The following AXIN1 variants were observed in gnomAD, a reference collection of about 807,000 sequenced individuals.
AXIN1 encodes axin 1, also known as axin-1.
A neutral mutation model predicts 76.4 loss-of-function variants in AXIN1; 30 were observed. That is an observed-to-expected ratio of 0.39 (90% CI 0.29 to 0.53). AXIN1 has a LOEUF of 0.53. Ranked by LOEUF, AXIN1 falls within the 20% of genes least tolerant of loss-of-function variation. The pLI, the probability that AXIN1 is intolerant of heterozygous loss-of-function variation, is 0.66. For synonymous variants in AXIN1, 545 were observed against 501.4 expected (o/e 1.09, Z -1.16); for missense variants, 1,140 against 1,198.8 (o/e 0.95, Z 0.72).
rs557453148 is a variant in AXIN1 at position 297,045 on chromosome 16, G to A, written c.1955+11C>T. 1.9e-5 allele frequency: 31 copies of A among 1,609,530 alleles called. No homozygotes were observed. The highest frequency in any genetic ancestry group is 1.3e-4 in the African/African-American group (10 of 75,024). ...AGGCCCCACGAGGCTGGCTGCGTGC[G>A]GGGTGCTCACCCGTGGCCGGTCCTG... On this transcript the variant is annotated intron_variant, in intron 7 of 10. Coordinates refer to ENST00000262320, the MANE Select transcript of AXIN1 (RefSeq NM_003502.4).
chr16:311,351 A>T (rs910164088), intron 3 of AXIN1, among the ~76,000 whole-genome samples: 4 of 151,898 alleles, frequency 2.6e-5, no homozygotes, highest in Non-Finnish European at 5.9e-5. Flanking sequence ...TTCTTTATGA[A>T]CCCTTTAGAA....
At chr16:288,310 T>G (rs1421870532) in intron 10 of AXIN1, 62 bp from the exon 11 acceptor site, 1 of 1,606,162 alleles carries the variant, frequency 6.2e-7, no homozygotes. Flanking sequence ...AGGAGGCCTG[T>G]GGCAGGGGAC....
intron 7 of AXIN1, among the ~76,000 whole-genome samples, chr16:294,891 C>G (rs1411311965): frequency 1.3e-5 from 2 of 151,036 alleles, no homozygotes; most frequent in East Asian, 4.0e-4. Flanking sequence ...TGAAACCCCA[C>G]CTCTACTAAA....
intron 2 of AXIN1, among the ~76,000 whole-genome samples, chr16:343,187 A>G (rs547102046): frequency 2.0e-5 from 3 of 152,328 alleles, no homozygotes; most frequent in African/African-American, 7.2e-5. Context: ...AGACAGAGCT[A>G]CACAAAATTA....
chr16:320,094 C>T (rs531528646), intron 2 of AXIN1, among the ~76,000 whole-genome samples: 4 of 152,276 alleles, frequency 2.6e-5, no homozygotes, highest in African/African-American at 4.8e-5. Flanking sequence ...ACCGACAGCC[C>T]CCCACACACT....
rs2141514408 is a variant in AXIN1 at position 298,101 on chromosome 16, T to C, written c.1405A>G (p.Ser469Gly). The change falls in exon 6 of 11, where the codon AGC becomes GGC. Residue 469 changes from serine (S) to glycine (G), a missense_variant. This residue lies in a region of AXIN1 where 708 missense variants were observed against 776.9 expected (regional missense o/e 0.91). Transcript: ENST00000262320. ...CGCTGTACGTGCTCGTCCAGGATGCTCTCAGGGTTCTCCTCGTGTGCATCC... is the reference window on the plus strand; with the variant it reads ...CGCTGTACGTGCTCGTCCAGGATGCCCTCAGGGTTCTCCTCGTGTGCATCC... ...LRDAHEENPE[S>G]ILDEHVQRVL... 6.5e-7 allele frequency: 1 copy of C among 1,548,408 alleles called. No individual in the cohort carries two copies. Among genetic ancestry groups the C allele is most frequent in the Non-Finnish European group, 8.7e-7 (1 of 1,150,394 alleles).
chr16:310,571 G>T (rs1029197852), intron 3 of AXIN1, among the ~76,000 whole-genome samples: 2 of 152,070 alleles, frequency 1.3e-5, no homozygotes, highest in African/African-American at 4.8e-5. Context: ...TAATTTTTTT[G>T]TATTTTTAGT....
intron 1 of AXIN1, among the ~76,000 whole-genome samples, chr16:349,903 A>AT (rs1243863526): frequency 6.6e-6 from 1 of 152,138 alleles, no homozygotes; most frequent in African/African-American, 2.4e-5. Context: ...GGCTCAAGCA[A>AT]TTCTCCAGCC....
At chr16:328,557 G>A (rs955935952) in intron 2 of AXIN1, among the ~76,000 whole-genome samples, 14 of 151,946 alleles carry the variant, frequency 9.2e-5, no homozygotes, top group South Asian at 6.2e-4. Flanking sequence ...TTAGCCAGGC[G>A]TGGTGGCACA....
In AXIN1 at chr16:291,355, G is replaced by A. The variant is rs1166315090; in HGVS notation, c.2187-58C>T. On this transcript the variant is annotated intron_variant, in intron 8 of 10. Coordinates refer to ENST00000262320, the MANE Select transcript of AXIN1 (RefSeq NM_003502.4). ...CCGGCGGCCACCAGCCCTGGGGAGGGAGCCTCGACCAATGCTGCTGCGCAG... is the reference window on the plus strand; with the variant it reads ...CCGGCGGCCACCAGCCCTGGGGAGGAAGCCTCGACCAATGCTGCTGCGCAG... 7 of 1,429,728 alleles carry A rather than the reference G, an allele frequency of 4.9e-6. No homozygotes were observed. The South Asian group carries it at 4.9e-5, about 10-fold the overall frequency. 88.6% of individuals were successfully genotyped at this position (1,429,728 alleles called of 1,614,324 possible).
chr16:349,195 G>A (rs2054094084), intron 1 of AXIN1, among the ~76,000 whole-genome samples: 1 of 152,214 alleles, frequency 6.6e-6, no homozygotes, highest in Non-Finnish European at 1.5e-5. Flanking sequence ...TGCCCCCAAT[G>A]ACATTTCAGC....
chr16:290,952 A>T (rs1046422394), intron 9 of AXIN1: 1 of 581,488 alleles, frequency 1.7e-6, no homozygotes, highest in African/African-American at 1.9e-5. Flanking sequence ...CCAGGCCTCC[A>T]GCCGGGCCTT....
At chr16:305,745 C>T (rs376820102) in intron 4 of AXIN1, among the ~76,000 whole-genome samples, 1 of 152,010 alleles carries the variant, frequency 6.6e-6, no homozygotes, top group South Asian at 2.1e-4. Flanking sequence ...AGGATTTCAC[C>T]GTGTTAGCCA....
intron 1 of AXIN1, among the ~76,000 whole-genome samples, chr16:349,298 G>C (rs1358518214): frequency 2.6e-5 from 4 of 152,200 alleles, no homozygotes; most frequent in East Asian, 1.9e-4. Context: ...CCAGTGAGCT[G>C]TGACATCCTG....
At chr16:289,665 CT>C in intron 9 of AXIN1, 58 bp from the exon 10 acceptor site, 2 of 1,600,738 alleles carry the variant, frequency 1.2e-6, no homozygotes, top group Non-Finnish European at 1.7e-6. Context: ...CACAGGGTCC[CT>C]CCTGCTGGCC....
intron 7 of AXIN1, among the ~76,000 whole-genome samples, chr16:294,484 A>G (rs963859137): frequency 8.4e-5 from 11 of 131,152 alleles, no homozygotes; most frequent in Non-Finnish European, 1.1e-4. Flanking sequence ...AAAAAAAAAA[A>G]TGGCCAGGCG....
rs2052735444 is a variant in AXIN1, at chr16:297,218, A to G, written c.1793T>C (p.Val598Ala). Residue 598 changes from valine (V) to alanine (A), a missense_variant, in exon 7 of 11, where the codon GTG becomes GCG. Around this residue, in one of 3 missense-constraint regions of AXIN1, gnomAD observed 429 missense variants for 405.8 expected, o/e 1.06. Coordinates refer to ENST00000262320, the MANE Select transcript of AXIN1 (RefSeq NM_003502.4). ...ASDGLAHSGK[V>A]GVACKRNAKK... Reference sequence around the variant, plus strand: ...GGCATTTCTTTTGCACGCCACGCCCACCTTCCCACTGCAAGGGCAAGAGCT... The same window carrying G: ...GGCATTTCTTTTGCACGCCACGCCCGCCTTCCCACTGCAAGGGCAAGAGCT... 6.2e-7 allele frequency: 1 copy of G among 1,606,190 alleles called. No individual in the cohort carries two copies. Among genetic ancestry groups the G allele is most frequent in the East Asian group, 2.2e-5 (1 of 44,874 alleles).
In AXIN1 at chr16:324,562, A is replaced by G. The variant is rs549247134; in HGVS notation, c.879-9879T>C. The stretch of plus-strand genomic sequence containing the variant: ...AAGCTTGACAAACACAACTGAGCAG[A>G]AAACGCCCGCAGGTGGTCAGTAGGC... On this transcript the variant is annotated intron_variant, in intron 2 of 10. Coordinates refer to ENST00000262320, the MANE Select transcript of AXIN1 (RefSeq NM_003502.4). Among the ~76,000 whole-genome samples, 3 of 152,342 alleles carry G rather than the reference A, an allele frequency of 2.0e-5. No homozygotes were observed. In the South Asian group the frequency reaches 6.2e-4, roughly 32 times the overall value.
At chr16:317,728 A>G (rs928809037) in intron 2 of AXIN1, among the ~76,000 whole-genome samples, 1 of 152,236 alleles carries the variant, frequency 6.6e-6, no homozygotes, top group African/African-American at 2.4e-5. Flanking sequence ...CTTTGCTTTA[A>G]GCATCATGCA....
Sources: allele counts gnomAD v4.1 joint callset (sites outside exome capture counted in the v4.1 genomes callset), GRCh38; gene constraint gnomAD v4.1.1; regional missense constraint gnomAD v4.1.1; transcripts MANE v1.5; gene names NCBI Gene and HGNC (gene_info 2026-07-23, HGNC 2026-07-21).